FBXO11: variants seen among roughly 807,000 people sequenced by gnomAD.
The protein encoded by FBXO11 is F-box only protein 11.
FBXO11 carries 13 observed loss-of-function variants against 117.0 expected under a neutral mutation model. That is an observed-to-expected ratio of 0.11 (90% CI 0.07 to 0.18). FBXO11 has a LOEUF of 0.18. Among genes scored for constraint, FBXO11 ranks in the 10% least tolerant of loss-of-function variants. The pLI, the probability that FBXO11 is intolerant of heterozygous loss-of-function variation, is 1.00. For synonymous variants in FBXO11, 490 were observed against 380.5 expected, an observed-to-expected ratio of 1.29 and a Z score of -3.35; for missense variants, 767 against 1,164.4, an observed-to-expected ratio of 0.66 and a Z score of 4.97.
chr2:47,865,569 C>CGAAA (rs1675133786), intron 1 of FBXO11, among the ~76,000 whole-genome samples: 3 of 152,208 alleles, frequency 2.0e-5, no homozygotes, highest in African/African-American at 7.2e-5. Flanking sequence ...TACCTGTAGA[C>CGAAA]TTTCATCACA....
At chr2:47,859,358 C>T (rs1229497910) in intron 1 of FBXO11, among the ~76,000 whole-genome samples, 5 of 151,996 alleles carry the variant, frequency 3.3e-5, no homozygotes, top group East Asian at 1.9e-4. Context: ...GTCAATGGTT[C>T]GCTTTTATCA....
At chr2:47,872,631 C>T (rs1430457776) in intron 1 of FBXO11, among the ~76,000 whole-genome samples, 8 of 152,108 alleles carry the variant, frequency 5.3e-5, no homozygotes, top group Non-Finnish European at 1.2e-4. Context: ...GCCTTATTTT[C>T]ATTATTAATA....
chr2:47,819,941 T>C (rs1050382746), intron 14 of FBXO11, among the ~76,000 whole-genome samples: 4 of 152,212 alleles, frequency 2.6e-5, no homozygotes, highest in African/African-American at 9.6e-5. Flanking sequence ...GTTTCAAAAT[T>C]TTGAAAGTTA....
At chr2:47,809,401 TAAG>T (rs1670457278) in intron 20 of FBXO11, 135 bp from the exon 21 acceptor site, 1 of 690,468 alleles carries the variant, frequency 1.4e-6, no homozygotes, top group Non-Finnish European at 2.4e-6. Context: ...GAAGTAATTG[TAAG>T]AAATCAGCTA....
intron 14 of FBXO11, among the ~76,000 whole-genome samples, chr2:47,819,534 T>C (rs188530126): frequency 6.6e-6 from 1 of 152,280 alleles, no homozygotes; most frequent in African/African-American, 2.4e-5. Flanking sequence ...TTATGTAGCC[T>C]CTACCTGAGT....
chr2:47,810,143 G>A (rs1572758208), intron 19 of FBXO11, 173 bp downstream of exon 19: 3 of 558,932 alleles, frequency 5.4e-6, no homozygotes, highest in East Asian at 6.0e-5. Context: ...CTGGCTTAGA[G>A]TAGAAGAATC....
chr2:47,816,489 G>T (rs1483939419), intron 16 of FBXO11, among the ~76,000 whole-genome samples: 3 of 152,154 alleles, frequency 2.0e-5, no homozygotes. Context: ...CAGGAATCAT[G>T]AATGTTCTTA....
chr2:47,827,246 T>A (rs1671823826), intron 11 of FBXO11, among the ~76,000 whole-genome samples: 1 of 152,362 alleles, frequency 6.6e-6, no homozygotes, highest in Non-Finnish European at 1.5e-5. Context: ...GTTTTATAAT[T>A]TTGCAAGAAA....
chr2:47,880,355 TAAG>T (rs750958992), intron 1 of FBXO11, among the ~76,000 whole-genome samples: 2 of 152,338 alleles, frequency 1.3e-5, no homozygotes, highest in East Asian at 1.9e-4. Flanking sequence ...ACTAAAATTA[TAAG>T]AAGACTTCTA....
At chr2:47,855,277 T>G (rs1251029811) in intron 1 of FBXO11, among the ~76,000 whole-genome samples, 1 of 151,892 alleles carries the variant, frequency 6.6e-6, no homozygotes, top group Non-Finnish European at 1.5e-5. Flanking sequence ...CACAGCTCAC[T>G]GCAGCCTCGA....
At chr2:47,843,604 A>G (rs1471721373) in intron 1 of FBXO11, among the ~76,000 whole-genome samples, 1 of 152,048 alleles carries the variant, frequency 6.6e-6, no homozygotes, top group Non-Finnish European at 1.5e-5. Context: ...CATCACTAAC[A>G]ATGCTTTCTG....
intron 21 of FBXO11, 82 bp from the exon 22 acceptor site, chr2:47,808,509 C>A: frequency 2.3e-6 from 3 of 1,292,628 alleles, no homozygotes; most frequent in South Asian, 1.6e-5. Flanking sequence ...ATTACTATGA[C>A]CTTTGGCTTT....
chr2:47,811,676 A>G (rs1433624709), intron 18 of FBXO11: 1 of 152,216 alleles, frequency 6.6e-6, no homozygotes, highest in Non-Finnish European at 1.5e-5. Context: ...AACTTACCTC[A>G]GTGAAAGGTA....
At chr2:47,812,772 T>A (rs1670716647) in intron 18 of FBXO11, 1 of 207,566 alleles carries the variant, frequency 4.8e-6, no homozygotes, top group Non-Finnish European at 9.7e-6. Flanking sequence ...GCAAAGTGAG[T>A]TGACCTTTAT....
intron 1 of FBXO11, among the ~76,000 whole-genome samples, chr2:47,872,650 G>C (rs181980884): frequency 5.3e-5 from 8 of 152,230 alleles, no homozygotes; most frequent in Middle Eastern, 6.8e-3. Flanking sequence ...TAGACATTAA[G>C]ACATTATATT....
At chr2:47,876,280 T>C (rs1168056969) in intron 1 of FBXO11, among the ~76,000 whole-genome samples, 1 of 152,230 alleles carries the variant, frequency 6.6e-6, no homozygotes, top group Admixed American at 6.5e-5. Context: ...TCTAGAGTTT[T>C]GATTCTACTT....
intron 1 of FBXO11, among the ~76,000 whole-genome samples, chr2:47,890,790 C>G (rs920924287): frequency 6.6e-6 from 1 of 150,818 alleles, no homozygotes; most frequent in Non-Finnish European, 1.5e-5. Flanking sequence ...GGCGACAGAG[C>G]GAGACCCTGT....
At chr2:47,878,849 G>C (rs1676215215) in intron 1 of FBXO11, among the ~76,000 whole-genome samples, 1 of 151,746 alleles carries the variant, frequency 6.6e-6, no homozygotes, top group Admixed American at 6.6e-5. Flanking sequence ...GGCGTGGTGG[G>C]ATGCCTGTAA....
intron 1 of FBXO11, among the ~76,000 whole-genome samples, chr2:47,903,147 C>T (rs1678426862): frequency 6.6e-6 from 1 of 152,130 alleles, no homozygotes; most frequent in African/African-American, 2.4e-5. Flanking sequence ...ATTAAAATGT[C>T]AATTTTTCAA....
Sources: gnomAD v4.1 joint callset for allele counts (sites outside exome capture counted in the v4.1 genomes callset) on GRCh38, gnomAD v4.1.1 for gene constraint, MANE v1.5 for transcripts, NCBI Gene and HGNC (gene_info 2026-07-23, HGNC 2026-07-21) for gene names.